SNX30: variants seen among roughly 807,000 people sequenced by gnomAD.
The protein encoded by SNX30 is sorting nexin-30.
Under a neutral mutation model 46.4 loss-of-function variants are expected in SNX30, and 24 were observed. That is an observed-to-expected ratio of 0.52 (90% CI 0.37 to 0.73). The LOEUF (loss-of-function observed/expected upper bound fraction) is 0.73. Ranked by LOEUF, SNX30 falls within the 30% of genes least tolerant of loss-of-function variation. The pLI is 0.00. For synonymous variants in SNX30, 189 were observed against 211.5 expected (o/e 0.89, Z 0.92); for missense variants, 533 against 555.7 (o/e 0.96, Z 0.41).
At chr9:112,834,843 A>AAAC (rs1840723377) in intron 4 of SNX30, among the ~76,000 whole-genome samples, 1 of 78,320 alleles carries the variant, frequency 1.3e-5, no homozygotes, top group Non-Finnish European at 2.8e-5. Flanking sequence ...CACACACACA[A>AAAC]ACACACACAC....
chr9:112,838,151 A>C (rs761842020), intron 5 of SNX30, among the ~76,000 whole-genome samples: 7 of 151,896 alleles, frequency 4.6e-5, no homozygotes, highest in Non-Finnish European at 1.0e-4. Flanking sequence ...TGGCCTCCTA[A>C]AGTGCTGGGA....
intron 3 of SNX30, among the ~76,000 whole-genome samples, chr9:112,821,636 G>A (rs897698871): frequency 6.6e-6 from 1 of 150,732 alleles, no homozygotes; most frequent in South Asian, 2.1e-4. Context: ...ACAGGCGCCC[G>A]CCACCATGCC....
chr9:112,803,911 C>T (rs1436379787), intron 1 of SNX30, among the ~76,000 whole-genome samples: 1 of 116,962 alleles, frequency 8.5e-6, no homozygotes, highest in Non-Finnish European at 1.8e-5. Flanking sequence ...CAGGTGCATC[C>T]GTCACCCCTT....
chr9:112,777,661 G>A (rs12006449), intron 1 of SNX30, among the ~76,000 whole-genome samples: 2 of 114,524 alleles, frequency 1.7e-5, no homozygotes, highest in Non-Finnish European at 3.3e-5. Context: ...TGCCCAGACT[G>A]GTCTTAATAC....
rs35971152 is a variant in SNX30, at chr9:112,869,048, ATC to A, written c.*210_*211del. 0.27 allele frequency: 157,912 copies of A among 589,364 alleles called. 23,587 individuals carry two copies. Among genetic ancestry groups the A allele is most frequent in the East Asian group, 0.47 (16,351 of 34,964 alleles). 36.5% of individuals were successfully genotyped at this position (589,364 alleles called of 1,614,324 possible). ...ATGGTGGAGTCTGTGAGGCTAGAAT[ATC>A]TCTCAGCAAGAGCAGCATACCTCCA... On this transcript the variant is annotated 3_prime_UTR_variant, in exon 9 of 9. Coordinates refer to ENST00000374232, the MANE Select transcript of SNX30 (RefSeq NM_001012994.2).
At chr9:112,855,695 T>A (rs549408698) in intron 7 of SNX30, among the ~76,000 whole-genome samples, 1 of 152,262 alleles carries the variant, frequency 6.6e-6, no homozygotes, top group Admixed American at 6.5e-5. Context: ...AAGTTTTGCA[T>A]TGTGGTTGGG....
chr9:112,809,091 C>CTTT (rs34992498), intron 2 of SNX30, among the ~76,000 whole-genome samples: 3 of 144,446 alleles, frequency 2.1e-5, no homozygotes, highest in Admixed American at 1.4e-4. Context: ...GATTTTCTTT[C>CTTT]TTTTTTTTTT....
chr9:112,846,473 TG>T (rs1040825380), intron 6 of SNX30, among the ~76,000 whole-genome samples: 11 of 152,246 alleles, frequency 7.2e-5, no homozygotes, highest in Non-Finnish European at 1.3e-4. Context: ...AGGGGTAACC[TG>T]AACTCAGTCA....
chr9:112,812,584 G>A (rs546931940), intron 2 of SNX30, among the ~76,000 whole-genome samples: 67 of 152,194 alleles, frequency 4.4e-4, no homozygotes, highest in African/African-American at 1.5e-3. Context: ...AACTTCTTAC[G>A]TTATTGCTTT....
At chr9:112,862,953 G>T (rs975514802) in intron 7 of SNX30, among the ~76,000 whole-genome samples, 1 of 151,980 alleles carries the variant, frequency 6.6e-6, no homozygotes, top group African/African-American at 2.4e-5. Flanking sequence ...TAAATTTCCA[G>T]AGTGTCTAGT....
At chr9:112,778,894 G>T (rs538566226) in intron 1 of SNX30, among the ~76,000 whole-genome samples, 27 of 149,794 alleles carry the variant, frequency 1.8e-4, no homozygotes, top group Middle Eastern at 3.5e-3. Flanking sequence ...GAGAACTTGG[G>T]GGGGGGGGAT....
chr9:112,795,480 C>G (rs1394315132), intron 1 of SNX30, among the ~76,000 whole-genome samples: 2 of 152,062 alleles, frequency 1.3e-5, no homozygotes, highest in Admixed American at 6.6e-5. Context: ...TTCATTCATT[C>G]ATGAAATACT....
intron 6 of SNX30, among the ~76,000 whole-genome samples, chr9:112,850,278 T>C (rs1161762497): frequency 1.3e-5 from 2 of 152,216 alleles, no homozygotes; most frequent in Non-Finnish European, 2.9e-5. Context: ...TACAGGCGCA[T>C]ACTGTGTCTG....
At chr9:112,775,540 A>ATT (rs1554749276) in intron 1 of SNX30, among the ~76,000 whole-genome samples, 1,024 of 60,514 alleles carry the variant, frequency 0.017, 11 homozygotes, top group Non-Finnish European at 0.025. Context: ...TTTATTTTAA[A>ATT]TTTGTGTGTG....
chr9:112,777,846 C>T (rs1464243491), intron 1 of SNX30, among the ~76,000 whole-genome samples: 1 of 152,084 alleles, frequency 6.6e-6, no homozygotes, highest in Non-Finnish European at 1.5e-5. Flanking sequence ...GTTCCTTTAT[C>T]TTTTACCCCT....
At chr9:112,758,936 C>T (rs1244034438) in intron 1 of SNX30, among the ~76,000 whole-genome samples, 1 of 152,084 alleles carries the variant, frequency 6.6e-6, no homozygotes, top group Non-Finnish European at 1.5e-5. Context: ...GAGAACTTGT[C>T]TCTATTAAAC....
intron 2 of SNX30, among the ~76,000 whole-genome samples, chr9:112,808,348 C>G (rs1004758902): frequency 2.4e-4 from 36 of 152,138 alleles, no homozygotes; most frequent in African/African-American, 7.7e-4. Flanking sequence ...CTCTTTTTGC[C>G]TGAGCTAAAA....
intron 3 of SNX30, among the ~76,000 whole-genome samples, chr9:112,821,494 A>AT (rs559908167): frequency 6.0e-5 from 9 of 149,222 alleles, no homozygotes; most frequent in East Asian, 3.9e-4. Flanking sequence ...TGTGTATATA[A>AT]TTTTTTTTTT....
chr9:112,787,577 A>AT (rs1386130431), intron 1 of SNX30, among the ~76,000 whole-genome samples: 3 of 151,748 alleles, frequency 2.0e-5, no homozygotes, highest in African/African-American at 2.4e-5. Context: ...ATCTGTCGTG[A>AT]TTTTTTTCCC....
Sources: allele counts gnomAD v4.1 joint callset (sites outside exome capture counted in the v4.1 genomes callset), GRCh38; gene constraint gnomAD v4.1.1; transcripts MANE v1.5; gene names NCBI Gene and HGNC (gene_info 2026-07-23, HGNC 2026-07-21).